The following MAGI1 variants were observed in gnomAD, a reference collection of about 807,000 sequenced individuals.
MAGI1 encodes the protein membrane associated guanylate kinase, WW and PDZ domain containing 1.
A neutral mutation model predicts 139.9 loss-of-function variants in MAGI1; 58 were observed. The observed-to-expected ratio is 0.41, with a 90% CI of 0.34 to 0.52. The LOEUF (loss-of-function observed/expected upper bound fraction) is 0.52. MAGI1 is among the 20% of genes least tolerant of loss of function. The probability of loss-of-function intolerance (pLI) is 0.12; values close to 1 mark genes in which losing one functional copy is unlikely to be tolerated. For synonymous variants in MAGI1, 812 were observed against 737.9 expected (o/e 1.10, Z -1.63); for missense variants, 1,874 against 1,901.6 (o/e 0.99, Z 0.27).
chr3:65,725,934 T>C (rs551669880), intron 1 of MAGI1, among the ~76,000 whole-genome samples: 1 of 152,022 alleles, frequency 6.6e-6, no homozygotes, highest in Non-Finnish European at 1.5e-5. Context: ...GTCATAAAAA[T>C]AAAGGAAAGA....
chr3:65,712,536 A>G (rs2031614765), intron 1 of MAGI1, among the ~76,000 whole-genome samples: 1 of 151,734 alleles, frequency 6.6e-6, no homozygotes, highest in African/African-American at 2.4e-5. Context: ...TTGTTGAGAC[A>G]GAGTTTCACT....
intron 2 of MAGI1, among the ~76,000 whole-genome samples, chr3:65,578,382 G>A (rs978585675): frequency 6.6e-6 from 1 of 152,164 alleles, no homozygotes; most frequent in Non-Finnish European, 1.5e-5. Flanking sequence ...AGAGGAGGGT[G>A]AAAAATCAAC....
At chr3:65,419,233 C>CACACACACACACACAT (rs1303506335) in intron 12 of MAGI1, among the ~76,000 whole-genome samples, 9 of 151,620 alleles carry the variant, frequency 5.9e-5, no homozygotes, top group South Asian at 4.2e-4. Context: ...CACACACACA[C>CACACACACACACACAT]ACACACACAC....
chr3:65,811,520 G>C (rs959098805), intron 1 of MAGI1, among the ~76,000 whole-genome samples: 8 of 152,162 alleles, frequency 5.3e-5, no homozygotes, highest in African/African-American at 1.9e-4. Context: ...GCTTGGCAAA[G>C]CAGAGTCTCT....
chr3:65,866,196 T>C lies in MAGI1; in HGVS notation c.313+171800A>G, dbSNP rs948764424. The stretch of plus-strand genomic sequence containing the variant: ...TAACTGTGGCTGGGGGAATTGTTGG[T>C]ATTTGCTGTTTTCAATTTTTTTCTT... On this transcript the variant is annotated intron_variant, in intron 1 of 22. Coordinates refer to ENST00000402939, the MANE Select transcript of MAGI1 (RefSeq NM_001033057.2). Among the ~76,000 whole-genome samples, 5 of 149,302 alleles carry C rather than the reference T, an allele frequency of 3.3e-5. No individual in the cohort carries two copies. In the South Asian group the frequency reaches 6.5e-4, roughly 19 times the overall value.
intron 1 of MAGI1, among the ~76,000 whole-genome samples, chr3:65,941,011 G>GA (rs1387066041): frequency 9.2e-5 from 14 of 152,144 alleles, no homozygotes; most frequent in East Asian, 1.9e-4. Context: ...CAGTATTCAA[G>GA]AAAAAAACTA....
intron 1 of MAGI1, among the ~76,000 whole-genome samples, chr3:65,996,087 T>C (rs1332954609): frequency 1.3e-5 from 2 of 152,140 alleles, no homozygotes; most frequent in African/African-American, 4.8e-5. Flanking sequence ...AACCTACAAA[T>C]TAAATTGGAA....
intron 1 of MAGI1, among the ~76,000 whole-genome samples, chr3:65,983,470 TCA>T (rs937531345): frequency 3.3e-5 from 5 of 152,232 alleles, no homozygotes; most frequent in African/African-American, 1.2e-4. Flanking sequence ...TAAAATTCAC[TCA>T]CATAGTTTGG....
chr3:65,799,264 A>G (rs1463737194), intron 1 of MAGI1, among the ~76,000 whole-genome samples: 2 of 152,190 alleles, frequency 1.3e-5, no homozygotes, highest in Admixed American at 6.5e-5. Context: ...ACTTAGTTCA[A>G]AAGGAAAGAA....
At chr3:65,963,659 T>C (rs2064584413) in intron 1 of MAGI1, among the ~76,000 whole-genome samples, 1 of 152,128 alleles carries the variant, frequency 6.6e-6, no homozygotes, top group African/African-American at 2.4e-5. Context: ...TAATGTAGGA[T>C]GGGCAGTTTG....
chr3:65,734,537 G>C (rs1000577223), intron 1 of MAGI1, among the ~76,000 whole-genome samples: 6 of 111,476 alleles, frequency 5.4e-5, no homozygotes, highest in Admixed American at 8.9e-5. Context: ...GAGAGAGGGG[G>C]AGAGAGAGAA....
chr3:65,661,097 C>A (rs1288863519), intron 1 of MAGI1, among the ~76,000 whole-genome samples: 1 of 152,036 alleles, frequency 6.6e-6, no homozygotes, highest in Non-Finnish European at 1.5e-5. Flanking sequence ...AAATAAAAAA[C>A]AAATTGAAAA....
chr3:66,011,341 T>C (rs1310095405), intron 1 of MAGI1, among the ~76,000 whole-genome samples: 1 of 152,106 alleles, frequency 6.6e-6, no homozygotes, highest in Non-Finnish European at 1.5e-5. Flanking sequence ...TAGTCAAACA[T>C]GAGCTCAAAT....
intron 1 of MAGI1, among the ~76,000 whole-genome samples, chr3:65,956,472 A>T (rs2064132418): frequency 6.6e-6 from 1 of 152,230 alleles, no homozygotes; most frequent in South Asian, 2.1e-4. Context: ...ATCACCTAGT[A>T]GCCCTTCAAC....
chr3:65,656,023 T>C (rs1322790491), intron 1 of MAGI1, among the ~76,000 whole-genome samples: 1 of 152,180 alleles, frequency 6.6e-6, no homozygotes, highest in African/African-American at 2.4e-5. Context: ...CAGACATTAG[T>C]GCTGTCTATG....
chr3:65,491,166 G>A (rs1952006782), intron 3 of MAGI1, among the ~76,000 whole-genome samples: 1 of 152,138 alleles, frequency 6.6e-6, no homozygotes, highest in Admixed American at 6.5e-5. Flanking sequence ...TTTTAGGAAA[G>A]AGTGTAGGAT....
intron 1 of MAGI1, among the ~76,000 whole-genome samples, chr3:65,800,717 A>G (rs1222747542): frequency 1.3e-5 from 2 of 152,196 alleles, no homozygotes; most frequent in African/African-American, 4.8e-5. Flanking sequence ...AACTAAAAAT[A>G]AAATAAAATT....
intron 1 of MAGI1, among the ~76,000 whole-genome samples, chr3:66,021,021 C>G (rs770573086): frequency 2.6e-5 from 4 of 152,168 alleles, no homozygotes; most frequent in Non-Finnish European, 5.9e-5. Flanking sequence ...GAAGCATCAA[C>G]CCAACGTATC....
intron 1 of MAGI1, among the ~76,000 whole-genome samples, chr3:65,681,645 G>C (rs926282565): frequency 6.6e-6 from 1 of 152,132 alleles, no homozygotes; most frequent in African/African-American, 2.4e-5. Flanking sequence ...TTATGTTCAA[G>C]TTTACTGAGA....
Sources: allele counts gnomAD v4.1 joint callset (sites outside exome capture counted in the v4.1 genomes callset), GRCh38; gene constraint gnomAD v4.1.1; transcripts MANE v1.5; gene names NCBI Gene and HGNC (gene_info 2026-07-23, HGNC 2026-07-21).